Variants in C13orf42 observed in about 807,000 individuals in gnomAD.
C13orf42 encodes the protein uncharacterized protein C13orf42.
At chr13:51,146,787 G>C (rs960404687) in intron 1 of C13orf42, among the ~76,000 whole-genome samples, 1 of 152,148 alleles carries the variant, frequency 6.6e-6, no homozygotes, top group Admixed American at 6.5e-5. Context: ...ATGGGAGGTG[G>C]GTTTGCCCTA....
intron 1 of C13orf42, among the ~76,000 whole-genome samples, chr13:51,101,621 T>C (rs769663536): frequency 1.3e-5 from 2 of 152,224 alleles, no homozygotes; most frequent in Admixed American, 6.5e-5. Flanking sequence ...TCTCAGGTAA[T>C]TGGTTTACTG....
At chr13:51,099,003 T>C (rs763110620) in intron 1 of C13orf42, among the ~76,000 whole-genome samples, 5 of 152,340 alleles carry the variant, frequency 3.3e-5, no homozygotes, top group South Asian at 4.1e-4. Flanking sequence ...GGTCATTTTA[T>C]ACTTGGATCA....
intron 2 of C13orf42, among the ~76,000 whole-genome samples, chr13:51,086,528 G>A (rs1377331002): frequency 6.6e-6 from 1 of 151,306 alleles, no homozygotes; most frequent in Non-Finnish European, 1.5e-5. Flanking sequence ...GTGTGTGTGT[G>A]TTAAAACCAC....
intron 1 of C13orf42, among the ~76,000 whole-genome samples, chr13:51,136,957 C>T (rs1013552937): frequency 6.6e-6 from 1 of 152,188 alleles, no homozygotes; most frequent in African/African-American, 2.4e-5. Context: ...CCTTTGAGGG[C>T]TTCTTGGGGA....
chr13:51,104,844 T>C (rs913895082), intron 1 of C13orf42, among the ~76,000 whole-genome samples: 15 of 142,418 alleles, frequency 1.1e-4, no homozygotes, highest in African/African-American at 3.9e-4. Context: ...AGAAGTAAAA[T>C]AACCCAAGGG....
chr13:51,101,951 C>A (rs1953297362), intron 1 of C13orf42, among the ~76,000 whole-genome samples: 1 of 152,192 alleles, frequency 6.6e-6, no homozygotes, highest in Admixed American at 6.5e-5. Flanking sequence ...GCAGAGCAAA[C>A]AGCTTGTGCT....
intron 1 of C13orf42, among the ~76,000 whole-genome samples, chr13:51,131,417 C>G (rs532626811): frequency 6.6e-6 from 1 of 150,968 alleles, no homozygotes; most frequent in Admixed American, 6.6e-5. Context: ...CTTGGGAAAA[C>G]TGGCCTCACA....
At chr13:51,169,501 C>T (rs549391360) in intron 1 of C13orf42, among the ~76,000 whole-genome samples, 1 of 152,278 alleles carries the variant, frequency 6.6e-6, no homozygotes, top group East Asian at 1.9e-4. Flanking sequence ...TGTTGATAGC[C>T]AACATAATAG....
intron 1 of C13orf42, among the ~76,000 whole-genome samples, chr13:51,104,178 C>T (rs1396746906): frequency 6.6e-6 from 1 of 152,106 alleles, no homozygotes; most frequent in Non-Finnish European, 1.5e-5. Flanking sequence ...GTACTACTAA[C>T]AATACTTTAA....
At chr13:51,136,514 T>TA (rs943142591) in intron 1 of C13orf42, among the ~76,000 whole-genome samples, 4 of 152,288 alleles carry the variant, frequency 2.6e-5, no homozygotes, top group African/African-American at 9.6e-5. Context: ...CAAAAAAAGT[T>TA]AAGCTCTAAA....
intron 1 of C13orf42, among the ~76,000 whole-genome samples, chr13:51,167,827 T>C (rs1953914114): frequency 1.3e-5 from 2 of 152,218 alleles, no homozygotes; most frequent in African/African-American, 4.8e-5. Flanking sequence ...GAAGATAACA[T>C]ATGTGTCTAA....
chr13:51,115,798 GAAGTCC>G (rs1446744048), upstream of C13orf42, among the ~76,000 whole-genome samples: 7 of 152,210 alleles, frequency 4.6e-5, no homozygotes, highest in Non-Finnish European at 8.8e-5. Context: ...CCCATGTCAC[GAAGTCC>G]AAGTCCATTT....
chr13:51,091,877 C>T (rs1953183634), intron 1 of C13orf42, among the ~76,000 whole-genome samples: 1 of 152,132 alleles, frequency 6.6e-6, no homozygotes, highest in African/African-American at 2.4e-5. Flanking sequence ...GGACAGGATA[C>T]AGGTCATTGA....
At chr13:51,093,263 A>T (rs1473407508) in intron 1 of C13orf42, among the ~76,000 whole-genome samples, 1 of 152,130 alleles carries the variant, frequency 6.6e-6, no homozygotes, top group African/African-American at 2.4e-5. Flanking sequence ...TCTGGATTTG[A>T]CTGACTCCTT....
chr13:51,114,651 T>TAGAGAG (rs1555266732), upstream of C13orf42, among the ~76,000 whole-genome samples: 903 of 142,472 alleles, frequency 6.3e-3, 4 homozygotes, highest in Middle Eastern at 0.015. Context: ...TAGATAGAGA[T>TAGAGAG]AGACAGACAG....
intron 1 of C13orf42, among the ~76,000 whole-genome samples, chr13:51,121,191 CT>C (rs1266016863): frequency 1.3e-5 from 2 of 152,140 alleles, no homozygotes; most frequent in Non-Finnish European, 2.9e-5. Flanking sequence ...CTGAGGAACA[CT>C]GCGAAGGATT....
chr13:51,087,755 G>A (rs1207997647), intron 2 of C13orf42, among the ~76,000 whole-genome samples, 173 bp downstream of exon 2: 1 of 152,226 alleles, frequency 6.6e-6, no homozygotes, highest in Non-Finnish European at 1.5e-5. Context: ...CACAGAGGAT[G>A]GGCTCAGGGC....
chr13:51,109,527 C>T (rs1017064716), intron 1 of C13orf42, among the ~76,000 whole-genome samples: 2 of 152,026 alleles, frequency 1.3e-5, no homozygotes, highest in African/African-American at 4.8e-5. Flanking sequence ...GGCGGGAGGA[C>T]TGCTTGAGGT....
chr13:51,104,599 G>A (rs570643988), intron 1 of C13orf42, among the ~76,000 whole-genome samples: 1 of 152,028 alleles, frequency 6.6e-6, no homozygotes, highest in Non-Finnish European at 1.5e-5. Context: ...GTGTGAAAAT[G>A]GTAAAAGTTA....
Sources: allele counts gnomAD v4.1 joint callset (sites outside exome capture counted in the v4.1 genomes callset), GRCh38; gene constraint gnomAD v4.1.1; transcripts MANE v1.5; gene names NCBI Gene and HGNC (gene_info 2026-07-23, HGNC 2026-07-21).